Variants in ANGPT1 observed in about 807,000 individuals in gnomAD.
ANGPT1 encodes angiopoietin-1.
Under a neutral mutation model 62.2 loss-of-function variants are expected in ANGPT1, and 17 were observed. The observed-to-expected ratio is 0.27, with a 90% confidence interval of 0.19 to 0.41. The LOEUF (loss-of-function observed/expected upper bound fraction) is 0.41, where lower values mean the gene tolerates loss of function less well. Among genes scored for constraint, ANGPT1 ranks in the 10% least tolerant of loss-of-function variants. ANGPT1 has a pLI of 1.00. For synonymous variants in ANGPT1, 199 were observed against 198.9 expected (o/e 1.00, Z 0.00); for missense variants, 478 against 594.9 (o/e 0.80, Z 2.04).
chr8:107,422,304 A>C (rs1458053843), intron 1 of ANGPT1, among the ~76,000 whole-genome samples: 1 of 152,094 alleles, frequency 6.6e-6, no homozygotes, highest in Non-Finnish European at 1.5e-5. Flanking sequence ...TCTGATGAGA[A>C]AACCAGGGAT....
chr8:107,378,515 C>G (rs1472266909), intron 1 of ANGPT1, among the ~76,000 whole-genome samples: 1 of 152,004 alleles, frequency 6.6e-6, no homozygotes, highest in Non-Finnish European at 1.5e-5. Flanking sequence ...ACCATATATA[C>G]CTAACTATAC....
chr8:107,480,786 T>C (rs1812655455), intron 1 of ANGPT1, among the ~76,000 whole-genome samples: 1 of 152,160 alleles, frequency 6.6e-6, no homozygotes, highest in Non-Finnish European at 1.5e-5. Flanking sequence ...TTTAAACAAG[T>C]GGGATTGAGA....
chr8:107,298,504 A>G (rs1814474506), intron 5 of ANGPT1, among the ~76,000 whole-genome samples: 1 of 147,786 alleles, frequency 6.8e-6, no homozygotes, highest in Non-Finnish European at 1.5e-5. Context: ...CATTAATAAC[A>G]TAAAAGCAAA....
intron 5 of ANGPT1, 95 bp from the exon 6 acceptor site, chr8:107,294,132 T>C: frequency 1.1e-6 from 1 of 931,186 alleles, no homozygotes; most frequent in Non-Finnish European, 1.6e-6. Flanking sequence ...CGAACAGGTC[T>C]GCAGATTACA....
chr8:107,415,691 G>T (rs1214581053), intron 1 of ANGPT1, among the ~76,000 whole-genome samples: 2 of 152,124 alleles, frequency 1.3e-5, no homozygotes, highest in Non-Finnish European at 1.5e-5. Context: ...TCCAGTAAAA[G>T]GTCACAACTT....
intron 1 of ANGPT1, among the ~76,000 whole-genome samples, chr8:107,485,440 G>A (rs1257128777): frequency 6.6e-6 from 1 of 152,084 alleles, no homozygotes; most frequent in Non-Finnish European, 1.5e-5. Context: ...GAGCCTCCCT[G>A]TCTCATGCAA....
At chr8:107,376,842 T>C (rs1816540160) in intron 1 of ANGPT1, among the ~76,000 whole-genome samples, 2 of 152,210 alleles carry the variant, frequency 1.3e-5, no homozygotes, top group Admixed American at 1.3e-4. Context: ...ACATGTAATT[T>C]GTGGTTCAGT....
Position 107,442,060 on chromosome 8 carries a change from G to A in ANGPT1, c.297+55202C>T, listed in dbSNP as rs556815014. Among the ~76,000 whole-genome samples, 35 of 152,136 alleles carry A rather than the reference G, an allele frequency of 2.3e-4. 1 individual carries two copies. In the South Asian group the frequency reaches 2.9e-3, roughly 13 times the overall value. On this transcript the variant is annotated intron_variant, in intron 1 of 8. Transcript: ENST00000517746. ...GATCACGCCATCGCACTCCAGCCTC[G>A]GTGACAGAGTGACACTCCGTCTCAA... is the stretch of plus-strand genomic sequence containing the variant.
At chr8:107,393,294 G>C (rs930023946) in intron 1 of ANGPT1, among the ~76,000 whole-genome samples, 1 of 152,108 alleles carries the variant, frequency 6.6e-6, no homozygotes, top group Non-Finnish European at 1.5e-5. Context: ...GGCTTGAGAG[G>C]GGGAGAGGGG....
intron 1 of ANGPT1, among the ~76,000 whole-genome samples, chr8:107,466,275 C>A (rs1025882245): frequency 1.3e-5 from 2 of 151,886 alleles, no homozygotes; most frequent in African/African-American, 4.8e-5. Context: ...TAACAGAGCC[C>A]CCTTTCTATC....
At chr8:107,421,209 T>C (rs2130379573) in intron 1 of ANGPT1, among the ~76,000 whole-genome samples, 1 of 152,302 alleles carries the variant, frequency 6.6e-6, no homozygotes, top group East Asian at 1.9e-4. Flanking sequence ...AAAGGTAAAA[T>C]GTATAACCTT....
intron 1 of ANGPT1, among the ~76,000 whole-genome samples, chr8:107,478,245 C>A (rs1812585605): frequency 7.2e-6 from 1 of 138,308 alleles, no homozygotes; most frequent in Non-Finnish European, 1.6e-5. Context: ...CTAAATATAC[C>A]TATTCAAAAA....
chr8:107,472,807 T>C (rs1812398201), intron 1 of ANGPT1, among the ~76,000 whole-genome samples: 1 of 151,808 alleles, frequency 6.6e-6, no homozygotes, highest in African/African-American at 2.4e-5. Context: ...ATAAGAACAT[T>C]ATGTCTTATA....
chr8:107,257,769 A>G (rs1375550436), intron 8 of ANGPT1, among the ~76,000 whole-genome samples: 2 of 152,142 alleles, frequency 1.3e-5, no homozygotes, highest in Non-Finnish European at 2.9e-5. Flanking sequence ...GCAAGCCTCA[A>G]GAAGCAGCTG....
intron 1 of ANGPT1, among the ~76,000 whole-genome samples, chr8:107,432,361 T>A (rs1168823509): frequency 6.6e-6 from 1 of 152,170 alleles, no homozygotes; most frequent in African/African-American, 2.4e-5. Flanking sequence ...TAAAAAGATA[T>A]CTGCTTTTAA....
chr8:107,363,381 C>T (rs1460093985), intron 1 of ANGPT1, among the ~76,000 whole-genome samples: 1 of 152,106 alleles, frequency 6.6e-6, no homozygotes, highest in African/African-American at 2.4e-5. Context: ...ATACAGTTAT[C>T]AATAAGAAGA....
intron 3 of ANGPT1, among the ~76,000 whole-genome samples, chr8:107,329,160 AAC>A (rs902910538): frequency 2.6e-5 from 4 of 152,028 alleles, no homozygotes; most frequent in African/African-American, 4.8e-5. Context: ...CATCTGTGTA[AAC>A]ACACACATAA....
At chr8:107,497,101 A>G (rs1210806347) in intron 1 of ANGPT1, among the ~76,000 whole-genome samples, 161 bp downstream of exon 1, 1 of 152,190 alleles carries the variant, frequency 6.6e-6, no homozygotes, top group Non-Finnish European at 1.5e-5. Context: ...ACCTTGGCTT[A>G]CCCAGGAAGC....
At chr8:107,299,980 T>G (rs193130117) in intron 5 of ANGPT1, among the ~76,000 whole-genome samples, 1 of 139,632 alleles carries the variant, frequency 7.2e-6, no homozygotes, top group Non-Finnish European at 1.5e-5. Flanking sequence ...TAGTTATATC[T>G]AGATATCTAG....
Sources: allele counts gnomAD v4.1 joint callset (sites outside exome capture counted in the v4.1 genomes callset), GRCh38; gene constraint gnomAD v4.1.1; transcripts MANE v1.5; gene names NCBI Gene and HGNC (gene_info 2026-07-23, HGNC 2026-07-21).